The following CDK6 variants were observed in gnomAD, a reference collection of about 807,000 sequenced individuals.
CDK6 encodes the protein cyclin dependent kinase 6.
In CDK6, 6 loss-of-function variants were observed where a neutral mutation model predicts 37.1. That is an observed-to-expected ratio of 0.16 (90% CI 0.09 to 0.32). CDK6 has a LOEUF of 0.32. CDK6 is among the 10% of genes least tolerant of loss of function. The pLI is 1.00. For synonymous variants in CDK6, 160 were observed against 161.3 expected (o/e 0.99, Z 0.06); for missense variants, 224 against 418.9 (o/e 0.53, Z 4.06).
Position 92,670,418 on chromosome 7 carries a change from T to C in CDK6, c.647+1008A>G, listed in dbSNP as rs913125384. 3.3e-5 allele frequency among the ~76,000 whole-genome samples: 5 copies of C among 152,312 alleles called. No homozygotes were observed. The East Asian group carries it at 9.6e-4, about 29-fold the overall frequency. ...CAAGCAAGCAATGGCTGACCACTTC[T>C]TTTCCTTGTGAGCTACCATGGAGCT... On this transcript the variant is annotated intron_variant, in intron 5 of 7. Coordinates refer to ENST00000424848, the MANE Select transcript of CDK6 (RefSeq NM_001145306.2).
At chr7:92,813,582 A>G (rs1800944266) in intron 2 of CDK6, among the ~76,000 whole-genome samples, 1 of 152,246 alleles carries the variant, frequency 6.6e-6, no homozygotes, top group Non-Finnish European at 1.5e-5. Context: ...ATGTGAGGGA[A>G]AAAATAGCGA....
intron 4 of CDK6, among the ~76,000 whole-genome samples, chr7:92,700,665 T>C (rs1255648455): frequency 6.6e-6 from 1 of 152,170 alleles, no homozygotes; most frequent in Admixed American, 6.5e-5. Context: ...GCCTCCAGGA[T>C]TACCTCCACA....
At chr7:92,683,345 G>A (rs1445156509) in intron 4 of CDK6, among the ~76,000 whole-genome samples, 1 of 152,148 alleles carries the variant, frequency 6.6e-6, no homozygotes, top group African/African-American at 2.4e-5. Context: ...TGGTTACTAT[G>A]CTCCTTTTGA....
At chr7:92,619,297 C>T (rs1020332832) in intron 6 of CDK6, among the ~76,000 whole-genome samples, 1 of 152,104 alleles carries the variant, frequency 6.6e-6, no homozygotes, top group African/African-American at 2.4e-5. Context: ...AATGGACTTA[C>T]ATAACTTATA....
At chr7:92,699,635 A>G (rs557731493) in intron 4 of CDK6, among the ~76,000 whole-genome samples, 1 of 152,322 alleles carries the variant, frequency 6.6e-6, no homozygotes, top group South Asian at 2.1e-4. Context: ...CACATCAACA[A>G]TTAATTCATT....
At chr7:92,808,397 C>T (rs572845855) in intron 2 of CDK6, among the ~76,000 whole-genome samples, 2 of 152,178 alleles carry the variant, frequency 1.3e-5, no homozygotes, top group Non-Finnish European at 2.9e-5. Context: ...ATTTAGAATG[C>T]TTGATACCAT....
intron 4 of CDK6, among the ~76,000 whole-genome samples, chr7:92,693,587 C>A (rs2116646521): frequency 6.6e-6 from 1 of 152,196 alleles, no homozygotes; most frequent in East Asian, 1.9e-4. Context: ...TTTAATTTTT[C>A]ATAATGAGTA....
intron 3 of CDK6, among the ~76,000 whole-genome samples, chr7:92,731,598 G>C (rs1798651555): frequency 6.6e-6 from 1 of 152,084 alleles, no homozygotes; most frequent in Non-Finnish European, 1.5e-5. Context: ...ACTGCTTCTA[G>C]GCAACTGGAT....
At chr7:92,785,654 C>T (rs1800111838) in intron 2 of CDK6, among the ~76,000 whole-genome samples, 1 of 152,110 alleles carries the variant, frequency 6.6e-6, no homozygotes, top group African/African-American at 2.4e-5. Flanking sequence ...GCTTTGAAAT[C>T]AGACTGTCTG....
At chr7:92,620,927 G>A (rs1021334425) in intron 6 of CDK6, among the ~76,000 whole-genome samples, 2 of 152,070 alleles carry the variant, frequency 1.3e-5, no homozygotes, top group African/African-American at 4.8e-5. Context: ...AAATAAAAAA[G>A]AGTATGTGAA....
intron 5 of CDK6, among the ~76,000 whole-genome samples, chr7:92,652,419 A>AT (rs1356836065): frequency 1.3e-5 from 2 of 152,050 alleles, no homozygotes; most frequent in Non-Finnish European, 2.9e-5. Flanking sequence ...AGCCTTTCAT[A>AT]TATTTATTTT....
chr7:92,829,372 G>C (rs935268591), intron 2 of CDK6, among the ~76,000 whole-genome samples: 3 of 152,110 alleles, frequency 2.0e-5, no homozygotes, highest in African/African-American at 7.2e-5. Flanking sequence ...AATTTGAATT[G>C]CTTTTACTGT....
intron 2 of CDK6, among the ~76,000 whole-genome samples, chr7:92,809,578 A>T (rs914031978): frequency 9.9e-5 from 15 of 152,216 alleles, no homozygotes; most frequent in Non-Finnish European, 2.9e-5. Context: ...CACAGAAACA[A>T]TAAAAGACCA....
chr7:92,759,672 T>C lies in CDK6; in HGVS notation c.369+15024A>G, dbSNP rs77127705. ...CCTTCATACTTTCAAAAGGCCACAGTAGGATGGAACAACAGACTTTAAGGC... is the reference window on the plus strand; with the variant it reads ...CCTTCATACTTTCAAAAGGCCACAGCAGGATGGAACAACAGACTTTAAGGC... On this transcript the variant is annotated intron_variant, in intron 3 of 7. Transcript: ENST00000424848. 5.8e-3 allele frequency among the ~76,000 whole-genome samples: 662 copies of C among 114,772 alleles called. 4 individuals are homozygous for C. The highest frequency in any genetic ancestry group is 0.024 in the Middle Eastern group (3 of 126). The allele number at this position is 114,772 out of a possible 152,430, so 75.3% of individuals were successfully genotyped here.
At chr7:92,732,305 T>A (rs1325697055) in intron 3 of CDK6, among the ~76,000 whole-genome samples, 1 of 152,138 alleles carries the variant, frequency 6.6e-6, no homozygotes, top group Non-Finnish European at 1.5e-5. Flanking sequence ...TGGACCCAGC[T>A]ACTCGGGAGG....
intron 4 of CDK6, among the ~76,000 whole-genome samples, chr7:92,689,150 G>A (rs141760732): frequency 2.7e-4 from 41 of 152,210 alleles, no homozygotes; most frequent in African/African-American, 7.2e-4. Context: ...AGGCTTTACA[G>A]GTAAACGTGC....
chr7:92,673,614 T>C (rs2116609324), intron 4 of CDK6, among the ~76,000 whole-genome samples: 1 of 152,308 alleles, frequency 6.6e-6, no homozygotes, highest in South Asian at 2.1e-4. Context: ...CTTTATATCC[T>C]AGTCACATCT....
At chr7:92,704,359 A>G (rs1797922794) in intron 4 of CDK6, among the ~76,000 whole-genome samples, 2 of 152,216 alleles carry the variant, frequency 1.3e-5, no homozygotes, top group Non-Finnish European at 2.9e-5. Flanking sequence ...AGAGGTAGAC[A>G]TAAGGCTTTA....
At chr7:92,775,082 C>G (rs1287951381) in intron 2 of CDK6, among the ~76,000 whole-genome samples, 1 of 152,210 alleles carries the variant, frequency 6.6e-6, no homozygotes, top group African/African-American at 2.4e-5. Flanking sequence ...AAGCAACGCG[C>G]TTGGAGCACA....
Sources: allele counts gnomAD v4.1 joint callset (sites outside exome capture counted in the v4.1 genomes callset), GRCh38; gene constraint gnomAD v4.1.1; transcripts MANE v1.5; gene names NCBI Gene and HGNC (gene_info 2026-07-23, HGNC 2026-07-21).